The following RELN variants were observed in gnomAD, a reference collection of about 807,000 sequenced individuals.
The protein encoded by RELN is reelin.
A neutral mutation model predicts 427.6 loss-of-function variants in RELN; 108 were observed. That is an observed-to-expected ratio of 0.25 (90% CI 0.22 to 0.30). RELN has a LOEUF of 0.30. Ranked by LOEUF, RELN falls within the 10% of genes least tolerant of loss-of-function variation. RELN has a pLI of 1.00. For missense variants in RELN, 3,715 were observed against 4,302.8 expected (o/e 0.86, Z 3.82); for synonymous variants, 1,524 against 1,513.4 (o/e 1.01, Z -0.16).
intron 3 of RELN, among the ~76,000 whole-genome samples, chr7:103,813,530 ATATT>A (rs1318484389): frequency 1.3e-5 from 2 of 152,080 alleles, no homozygotes; most frequent in African/African-American, 2.4e-5. Context: ...TAATTTAAGA[ATATT>A]TATAATTTTA....
chr7:103,613,234 A>C (rs532996468), intron 20 of RELN, among the ~76,000 whole-genome samples: 4 of 152,330 alleles, frequency 2.6e-5, no homozygotes, highest in Admixed American at 2.6e-4. Context: ...TTCTTAACCA[A>C]AGACACTATA....
chr7:103,511,979 T>C (rs1040817677), intron 50 of RELN, among the ~76,000 whole-genome samples: 27 of 152,226 alleles, frequency 1.8e-4, no homozygotes, highest in Non-Finnish European at 5.9e-5. Flanking sequence ...CTTTTGTGTG[T>C]GTGGTTTTTA....
At chr7:103,731,172 G>A (rs1011194035) in intron 6 of RELN, among the ~76,000 whole-genome samples, 1 of 152,150 alleles carries the variant, frequency 6.6e-6, no homozygotes, top group African/African-American at 2.4e-5. Context: ...AGAGACTGGG[G>A]AAGTAAGAGA....
chr7:103,977,905 G>A (rs1407391139), intron 1 of RELN, among the ~76,000 whole-genome samples: 1 of 151,974 alleles, frequency 6.6e-6, no homozygotes, highest in East Asian at 1.9e-4. Context: ...ATTTTCCAAG[G>A]TAAATAAAAA....
intron 24 of RELN, among the ~76,000 whole-genome samples, chr7:103,601,495 A>G (rs1831666835): frequency 6.6e-6 from 1 of 152,148 alleles, no homozygotes; most frequent in Non-Finnish European, 1.5e-5. Context: ...ATTCTGCAAC[A>G]TATCAGCCCT....
chr7:103,794,236 C>T (rs1291585247), intron 3 of RELN, among the ~76,000 whole-genome samples: 1 of 152,124 alleles, frequency 6.6e-6, no homozygotes, highest in Non-Finnish European at 1.5e-5. Context: ...AATCTCTGGG[C>T]TCAAGGTTCA....
intron 4 of RELN, among the ~76,000 whole-genome samples, chr7:103,768,756 A>G (rs1306761660): frequency 1.3e-5 from 2 of 152,178 alleles, no homozygotes; most frequent in Non-Finnish European, 2.9e-5. Flanking sequence ...TCATGACACA[A>G]CAGAGACAGA....
At chr7:103,721,333 A>G (rs529044372) in intron 8 of RELN, among the ~76,000 whole-genome samples, 106 of 151,918 alleles carry the variant, frequency 7.0e-4, no homozygotes, top group African/African-American at 2.5e-3. Flanking sequence ...TTTAAATAAT[A>G]TAAGTTGGCC....
chr7:103,887,942 A>G (rs1794760691), intron 2 of RELN, among the ~76,000 whole-genome samples: 1 of 152,208 alleles, frequency 6.6e-6, no homozygotes, highest in Admixed American at 6.5e-5. Context: ...GGATAGAACT[A>G]GCCCAGGGAG....
Position 103,728,035 on chromosome 7 carries a change from A to G in RELN, c.753+76T>C, listed in dbSNP as rs3213613. ...GAATTTTCATCTGAACTTTAAGAGC[A>G]TAAGAAAAACTTTTGTTGGCAAAAA... On this transcript the variant is annotated intron_variant, in intron 7 of 64. Coordinates refer to ENST00000428762, the MANE Select transcript of RELN (RefSeq NM_005045.4). 355,051 of 1,372,794 alleles carry G rather than the reference A, an allele frequency of 0.26. 48,604 individuals are homozygous for G. The highest frequency in any genetic ancestry group is 0.36 in the South Asian group (30,107 of 84,054). The allele number at this position is 1,372,794 out of a possible 1,614,324, so 85.0% of individuals were successfully genotyped here.
chr7:103,677,144 C>T (rs181167314), intron 11 of RELN, among the ~76,000 whole-genome samples: 37 of 151,768 alleles, frequency 2.4e-4, no homozygotes, highest in Admixed American at 2.4e-3. Flanking sequence ...CCATTATTCT[C>T]AGCAAACTAT....
rs771225073 is a variant in RELN, at chr7:103,553,787, C to T, written c.5842G>A (p.Gly1948Arg). Residue 1948 changes from glycine to arginine, a missense_variant, in exon 39 of 65, where the codon GGA becomes AGA. Physicochemically the swap from Gly to Arg is moderately radical, Grantham distance 125 (BLOSUM62 -2). Coordinates refer to ENST00000428762, the MANE Select transcript of RELN (RefSeq NM_005045.4). ...IWIVDDFIIDGNNVNNPVMLL... is the reference protein window; with the variant it reads ...IWIVDDFIIDRNNVNNPVMLL... ...ATCACAGGGTTGTTTACATTATTTCCATCGATAATGAAGTCATCAACAATC... is the reference window on the plus strand; with the variant it reads ...ATCACAGGGTTGTTTACATTATTTCTATCGATAATGAAGTCATCAACAATC... The T allele has an allele frequency of 6.8e-6, 11 of 1,613,838 alleles. No homozygotes were observed. The highest frequency in any genetic ancestry group is 9.3e-6 in the Non-Finnish European group (11 of 1,179,904).
intron 8 of RELN, among the ~76,000 whole-genome samples, chr7:103,706,980 C>T (rs962999871): frequency 6.6e-6 from 1 of 152,108 alleles, no homozygotes; most frequent in African/African-American, 2.4e-5. Context: ...CCTCCTCCTG[C>T]TCATTTGTTT....
chr7:103,842,894 T>G (rs1169544134), intron 2 of RELN, among the ~76,000 whole-genome samples: 1 of 152,120 alleles, frequency 6.6e-6, no homozygotes. Flanking sequence ...TGATGCTGCC[T>G]CCCCATTCCT....
chr7:103,730,132 A>G (rs10261812), intron 6 of RELN, among the ~76,000 whole-genome samples: 7,447 of 152,090 alleles, frequency 0.049, 465 homozygotes, highest in African/African-American at 0.15. Flanking sequence ...AAGTAAAAGA[A>G]TGTTCAAACC....
chr7:103,519,894 T>C (rs1241947400), intron 48 of RELN, among the ~76,000 whole-genome samples: 1 of 152,152 alleles, frequency 6.6e-6, no homozygotes, highest in Admixed American at 6.5e-5. Context: ...CATAGTATTG[T>C]GGCACTGATT....
chr7:103,538,219 A>G (rs1830098839), intron 45 of RELN, among the ~76,000 whole-genome samples: 1 of 152,198 alleles, frequency 6.6e-6, no homozygotes, highest in South Asian at 2.1e-4. Flanking sequence ...TGAATTCTGT[A>G]GGACCTTGAA....
intron 1 of RELN, among the ~76,000 whole-genome samples, chr7:103,982,794 C>G (rs2116845783): frequency 6.6e-6 from 1 of 152,254 alleles, no homozygotes; most frequent in Non-Finnish European, 1.5e-5. Context: ...CTATCTATAA[C>G]ATGTCACCTT....
intron 3 of RELN, among the ~76,000 whole-genome samples, chr7:103,782,211 T>C (rs1369335589): frequency 6.6e-6 from 1 of 152,168 alleles, no homozygotes; most frequent in Non-Finnish European, 1.5e-5. Flanking sequence ...AAGCATTTAT[T>C]GTCATGATTT....
Sources: gnomAD v4.1 joint callset for allele counts (sites outside exome capture counted in the v4.1 genomes callset) on GRCh38, gnomAD v4.1.1 for gene constraint, MANE v1.5 for transcripts, NCBI Gene and HGNC (gene_info 2026-07-23, HGNC 2026-07-21) for gene names.